Variants in MCTP1 observed in about 807,000 individuals in gnomAD.
MCTP1 encodes multiple C2 and transmembrane domain-containing protein 1.
In MCTP1, 69 loss-of-function variants were observed where a neutral mutation model predicts 120.6. That is an observed-to-expected ratio of 0.57 (90% confidence interval 0.47 to 0.70). The LOEUF (loss-of-function observed/expected upper bound fraction) is 0.70. Ranked by LOEUF, MCTP1 falls within the 30% of genes least tolerant of loss-of-function variation. The probability of loss-of-function intolerance (pLI) is 0.00; values close to 1 mark genes in which losing one functional copy is unlikely to be tolerated. For synonymous variants in MCTP1, 529 were observed against 493.1 expected, an observed-to-expected ratio of 1.07 and a Z score of -0.96; for missense variants, 1,203 against 1,248.8, an observed-to-expected ratio of 0.96 and a Z score of 0.55.
At position 94,708,517 on chromosome 5, in the gene MCTP1, G is replaced by T; in HGVS notation, c.2923C>A (p.Gln975Lys). Residue 975 changes from glutamine to lysine, a missense_variant, in exon 22 of 23, where the codon CAA becomes AAA. Physicochemically the swap from Gln to Lys is moderately conservative, Grantham distance 53. This residue lies in a region of MCTP1 where 740 missense variants were observed against 871.1 expected (regional missense o/e 0.85). Coordinates refer to ENST00000515393, the MANE Select transcript of MCTP1 (RefSeq NM_024717.7). ...TAATAACGAAACCTACATACCACTT[G>T]TACATCTGAAGGGACTCTGGAAAGG... ...DFLSRVPSDV[Q>K]VVQYQELKPD... 1.9e-6 allele frequency: 3 copies of T among 1,583,510 alleles called. No individual in the cohort carries two copies. The highest frequency in any genetic ancestry group is 1.7e-4 in the Middle Eastern group (1 of 5,964).
At chr5:95,026,135 C>A (rs754894139) in intron 1 of MCTP1, among the ~76,000 whole-genome samples, 1 of 151,866 alleles carries the variant, frequency 6.6e-6, no homozygotes, top group Non-Finnish European at 1.5e-5. Context: ...ATGATTGATT[C>A]TTTTAATTTT....
intron 19 of MCTP1, among the ~76,000 whole-genome samples, chr5:94,758,743 T>G (rs1056938119): frequency 6.6e-6 from 1 of 152,194 alleles, no homozygotes; most frequent in Non-Finnish European, 1.5e-5. Flanking sequence ...ACCTGGATAA[T>G]TTTTTATTAA....
chr5:94,802,457 G>A (rs531548067), intron 17 of MCTP1, among the ~76,000 whole-genome samples: 26 of 152,262 alleles, frequency 1.7e-4, no homozygotes, highest in East Asian at 1.9e-4. Context: ...GAGAGCTCTC[G>A]AAGGAAGAAA....
chr5:95,126,372 C>A (rs763459988), intron 1 of MCTP1, among the ~76,000 whole-genome samples: 1 of 152,026 alleles, frequency 6.6e-6, no homozygotes, highest in Non-Finnish European at 1.5e-5. Context: ...GAAATGAAGG[C>A]GAGTCATAAA....
At chr5:94,738,407 AAAGTGCCC>A (rs1398101140) in intron 19 of MCTP1, among the ~76,000 whole-genome samples, 1 of 152,154 alleles carries the variant, frequency 6.6e-6, no homozygotes, top group African/African-American at 2.4e-5. Flanking sequence ...GTCCCAGTGC[AAAGTGCCC>A]AATTCTGAAC....
chr5:94,780,225 T>C (rs1776275069), intron 18 of MCTP1, among the ~76,000 whole-genome samples: 1 of 151,180 alleles, frequency 6.6e-6, no homozygotes, highest in African/African-American at 2.4e-5. Flanking sequence ...CTCCCAAAGC[T>C]CATATTAGAG....
chr5:94,893,059 G>T (rs1280911299), intron 11 of MCTP1, among the ~76,000 whole-genome samples: 1 of 152,044 alleles, frequency 6.6e-6, no homozygotes, highest in Non-Finnish European at 1.5e-5. Flanking sequence ...GTTCATTTTT[G>T]AATATATTGA....
chr5:94,840,566 A>C (rs1282800594), intron 17 of MCTP1, among the ~76,000 whole-genome samples: 1 of 151,894 alleles, frequency 6.6e-6, no homozygotes, highest in Admixed American at 6.6e-5. Context: ...TTCATATAAC[A>C]CCATTTTTTT....
At chr5:95,053,478 C>A (rs1012936436) in intron 1 of MCTP1, among the ~76,000 whole-genome samples, 1 of 152,160 alleles carries the variant, frequency 6.6e-6, no homozygotes, top group African/African-American at 2.4e-5. Context: ...AAGCTTAATA[C>A]GCACAGGAAT....
intron 3 of MCTP1, among the ~76,000 whole-genome samples, chr5:94,951,852 T>C (rs1034540918): frequency 6.6e-6 from 1 of 152,142 alleles, no homozygotes; most frequent in African/African-American, 2.4e-5. Flanking sequence ...TGCCATCCCA[T>C]ATTATGTAGT....
chr5:94,983,661 G>GTCAATCTTTCTA lies in MCTP1; in HGVS notation c.839-30301_839-30300insTAGAAAGATTGA, dbSNP rs1357815406. 5.3e-3 allele frequency among the ~76,000 whole-genome samples: 86 copies of GTCAATCTTTCTA among 16,088 alleles called. 1 individual carries two copies. The highest frequency in any genetic ancestry group is 0.011 in the African/African-American group (86 of 8,062). The allele number at this position is 16,088 out of a possible 152,430, so 10.6% of individuals were successfully genotyped here. A position where few individuals can be genotyped will look rare whatever the true frequency, so the allele number is the denominator to read the frequency against. On this transcript the variant is annotated intron_variant, in intron 2 of 22. Coordinates refer to ENST00000515393, the MANE Select transcript of MCTP1 (RefSeq NM_024717.7). ...TCTTTATCTGTCTGTCTGTCTGTCTGTCTGTCAATCTATCTATCTATCTAT... is the reference window on the plus strand; with the variant it reads ...TCTTTATCTGTCTGTCTGTCTGTCTGTCAATCTTTCTATCTGTCAATCTATCTATCTATCTAT...
chr5:95,017,321 A>C, intron 2 of MCTP1, 46 bp downstream of exon 2: 1 of 1,206,416 alleles, frequency 8.3e-7, no homozygotes, highest in Admixed American at 2.1e-5. Context: ...AGTTTGTCAT[A>C]AACACATAAA....
At chr5:94,985,684 T>TA (rs1830304180) in intron 2 of MCTP1, among the ~76,000 whole-genome samples, 1 of 152,162 alleles carries the variant, frequency 6.6e-6, no homozygotes, top group African/African-American at 2.4e-5. Context: ...TTGGCTAGAG[T>TA]AAAATTTTAA....
Position 95,284,673 on chromosome 5 carries a change from TGGC to T in MCTP1, c.-101_-99del. 9.7e-7 allele frequency: 1 copy of T among 1,032,278 alleles called. No homozygotes were observed. The highest frequency in any genetic ancestry group is 1.3e-6 in the Non-Finnish European group (1 of 778,628). 63.9% of individuals were successfully genotyped at this position (1,032,278 alleles called of 1,614,324 possible). A position where few individuals can be genotyped will look rare whatever the true frequency, so the allele number is the denominator to read the frequency against. ...ACCTCCTCCCGGGTCCCCGCGGCGCTGGCGGTGGCGGCGGCGGCGGCGGCGGGC... is the reference window on the plus strand; with the variant it reads ...ACCTCCTCCCGGGTCCCCGCGGCGCTGGTGGCGGCGGCGGCGGCGGCGGGC... On this transcript the variant is annotated 5_prime_UTR_variant, in exon 1 of 23. Transcript: ENST00000515393. The surrounding 1 kb of genome is among the most constrained non-coding windows in gnomAD (Gnocchi z 5.2).
chr5:94,784,710 C>T, intron 18 of MCTP1: 1 of 146,708 alleles, frequency 6.8e-6, no homozygotes, highest in Non-Finnish European at 1.5e-5. Context: ...CTACAGTAGT[C>T]ATCAAGATAA....
At chr5:95,081,558 A>G (rs1186961726) in intron 1 of MCTP1, 1 of 1,528,194 alleles carries the variant, frequency 6.5e-7, no homozygotes, top group Non-Finnish European at 8.8e-7. Context: ...TCTTCACTGA[A>G]TACCGGCAAA....
intron 1 of MCTP1, among the ~76,000 whole-genome samples, chr5:95,071,129 C>T (rs879466844): frequency 1.3e-5 from 2 of 152,160 alleles, no homozygotes; most frequent in Non-Finnish European, 1.5e-5. Context: ...ACATACAGAG[C>T]ATACTTGTGA....
chr5:95,244,853 G>A (rs372432400), intron 1 of MCTP1, among the ~76,000 whole-genome samples: 2 of 152,188 alleles, frequency 1.3e-5, no homozygotes, highest in Admixed American at 6.5e-5. Flanking sequence ...TCAGCATGGC[G>A]TTTGAGCTCC....
intron 1 of MCTP1, among the ~76,000 whole-genome samples, chr5:95,250,992 CCA>C (rs1022411643): frequency 1.3e-5 from 2 of 152,084 alleles, no homozygotes; most frequent in African/African-American, 4.8e-5. Flanking sequence ...TTATTATGCT[CCA>C]GGCACTGAAC....
Sources: gnomAD v4.1 joint callset for allele counts (sites outside exome capture counted in the v4.1 genomes callset) on GRCh38, gnomAD v4.1.1 for gene constraint, gnomAD v4.1.1 regional missense constraint, Gnocchi (gnomAD v3.1) non-coding constraint, MANE v1.5 for transcripts, NCBI Gene and HGNC (gene_info 2026-07-23, HGNC 2026-07-21) for gene names.